Variants in VRK3 observed in about 807,000 individuals in gnomAD.
The protein encoded by VRK3 is VRK serine/threonine kinase 3.
A neutral mutation model predicts 60.4 loss-of-function variants in VRK3; 50 were observed. The observed-to-expected ratio is 0.83, with a 90% confidence interval of 0.66 to 1.05. The LOEUF is 1.05. Ranked by LOEUF, VRK3 falls within the 50% of genes least tolerant of loss-of-function variation. The probability of loss-of-function intolerance (pLI) is 0.00; values close to 1 mark genes in which losing one functional copy is unlikely to be tolerated. For synonymous variants in VRK3, 246 were observed against 227.8 expected (o/e 1.08, Z -0.72); for missense variants, 549 against 585.3 (o/e 0.94, Z 0.64).
intron 9 of VRK3, among the ~76,000 whole-genome samples, chr19:49,993,357 C>G (rs111902838): frequency 0.049 from 7,454 of 152,268 alleles, 223 homozygotes; most frequent in Middle Eastern, 0.11. Context: ...TGATCTCCAG[C>G]TCCAGCTGTC....
chr19:49,978,875 T>C (rs1234550481), intron 14 of VRK3: 10 of 466,094 alleles, frequency 2.1e-5, no homozygotes, highest in Non-Finnish European at 3.7e-5. Context: ...CCACTTTTCT[T>C]AAAGCCAAGT....
intron 10 of VRK3, among the ~76,000 whole-genome samples, chr19:49,990,249 TATG>T (rs1329418799): frequency 6.6e-6 from 1 of 152,230 alleles, no homozygotes; most frequent in Non-Finnish European, 1.5e-5. Context: ...TTCTCTCTGC[TATG>T]ATTTCTCCAT....
Position 50,007,779 on chromosome 19 carries a change from T to C in VRK3, c.337A>G (p.Arg113Gly), listed in dbSNP as rs776284468. The C allele has an allele frequency of 6.2e-7, 1 of 1,614,160 alleles. No individual in the cohort carries two copies. Among genetic ancestry groups the C allele is most frequent in the South Asian group, 1.1e-5 (1 of 91,048 alleles). ...PTPKSSPQKT[R>G]KSPQVTRGSP... ...CCCCTGGTCACCTGAGGGCTCTTCCTGGTCTTCTGAGGGCTGCTTTTGGGG... is the reference window on the plus strand; with the variant it reads ...CCCCTGGTCACCTGAGGGCTCTTCCCGGTCTTCTGAGGGCTGCTTTTGGGG... The change falls in exon 5 of 15, where the codon AGG becomes GGG. Residue 113 changes from arginine to glycine, a missense_variant. Physicochemically the swap from Arg to Gly is moderately radical, Grantham distance 125 (BLOSUM62 -2). Coordinates refer to ENST00000316763, the MANE Select transcript of VRK3 (RefSeq NM_016440.4).
intron 13 of VRK3, among the ~76,000 whole-genome samples, 200 bp downstream of exon 13, chr19:49,980,755 A>C (rs556400786): frequency 7.3e-5 from 11 of 150,750 alleles, no homozygotes; most frequent in African/African-American, 2.7e-4. Flanking sequence ...TTCAAAAAAA[A>C]GTTGTGTTTT....
intron 12 of VRK3, chr19:49,986,231 T>C (rs1043398180): frequency 1.3e-5 from 2 of 152,360 alleles, no homozygotes; most frequent in Admixed American, 6.5e-5. Flanking sequence ...TCAGAAGTAG[T>C]GAACTAGGTG....
chr19:50,013,546 A>C (rs1292858883), intron 3 of VRK3, among the ~76,000 whole-genome samples: 1 of 152,230 alleles, frequency 6.6e-6, no homozygotes, highest in Non-Finnish European at 1.5e-5. Context: ...ACTCCCCGCC[A>C]TGTATGCTGA....
intron 3 of VRK3, among the ~76,000 whole-genome samples, chr19:50,015,247 A>G (rs894372052): frequency 6.6e-6 from 1 of 152,162 alleles, no homozygotes; most frequent in Non-Finnish European, 1.5e-5. Flanking sequence ...AAATGCTCCA[A>G]AATCTGAAAC....
rs775160806 is a variant in VRK3 at position 50,009,217 on chromosome 19, G to C, written c.289+19C>G. 6.2e-7 allele frequency: 1 copy of C among 1,611,948 alleles called. No homozygotes were observed. The highest frequency in any genetic ancestry group is 2.2e-5 in the East Asian group (1 of 44,818). On this transcript the variant is annotated intron_variant, in intron 4 of 14. Coordinates refer to ENST00000316763, the MANE Select transcript of VRK3 (RefSeq NM_016440.4). ...TTTGCTCCACTTAAGAGTCAGGCCA[G>C]ATAGACCTTAACTCTTACCTTTGGA...
At chr19:50,006,058 G>A (rs973764627) in intron 5 of VRK3, among the ~76,000 whole-genome samples, 1 of 148,336 alleles carries the variant, frequency 6.7e-6, no homozygotes. Flanking sequence ...GGCTGAGGTA[G>A]GTGGATCACT....
At chr19:50,015,692 T>C (rs58551501) in intron 3 of VRK3, 9,162 of 265,542 alleles carry the variant, frequency 0.035, 796 homozygotes, top group African/African-American at 0.18. Context: ...AAAATCAGAA[T>C]ACTTCCAGTC....
rs568877003 is a variant in VRK3 at position 50,019,674 on chromosome 19, C to CTTTTTTTTTTT, written c.-2+900_-2+910dup. 6.4e-4 allele frequency among the ~76,000 whole-genome samples: 29 copies of CTTTTTTTTTTT among 45,014 alleles called. 3 individuals carry two copies. The highest frequency in any genetic ancestry group is 8.6e-4 in the Non-Finnish European group (19 of 22,004). 29.5% of individuals were successfully genotyped at this position (45,014 alleles called of 152,430 possible). Reference sequence around the variant, plus strand: ...ACAGGCATGTGCCACCATGCCTGGCCTTTTTTTTTTTTTTTTTTTTTTTTT... The same window carrying CTTTTTTTTTTT: ...ACAGGCATGTGCCACCATGCCTGGCCTTTTTTTTTTTTTTTTTTTTTTTTTTTTTTTTTTTT... On this transcript the variant is annotated intron_variant, in intron 2 of 14. Coordinates refer to ENST00000316763, the MANE Select transcript of VRK3 (RefSeq NM_016440.4).
intron 1 of VRK3, among the ~76,000 whole-genome samples, chr19:50,023,503 C>A (rs2077203981): frequency 6.6e-6 from 1 of 152,172 alleles, no homozygotes; most frequent in Non-Finnish European, 1.5e-5. Context: ...TTACTAATAG[C>A]ATGTTTTATC....
At chr19:49,997,672 C>T in intron 6 of VRK3, 102 bp from the exon 7 acceptor site, 1 of 1,321,770 alleles carries the variant, frequency 7.6e-7, no homozygotes, top group Non-Finnish European at 1.1e-6. Flanking sequence ...GACCAGGCTC[C>T]TCATCAAGTC....
chr19:50,004,409 G>A (rs1400023758), intron 5 of VRK3, among the ~76,000 whole-genome samples: 1 of 151,648 alleles, frequency 6.6e-6, no homozygotes, highest in Non-Finnish European at 1.5e-5. Context: ...ATCCCTTCTC[G>A]CTCTTTCTCC....
chr19:49,989,794 T>C (rs771637874), intron 10 of VRK3, 23 bp from the exon 11 acceptor site: 7 of 1,596,684 alleles, frequency 4.4e-6, no homozygotes, highest in Non-Finnish European at 6.0e-6. Flanking sequence ...GGAAAAGCCA[T>C]ACAGATTGGA....
chr19:50,012,839 C>A (rs1450576831), intron 3 of VRK3, among the ~76,000 whole-genome samples: 1 of 152,040 alleles, frequency 6.6e-6, no homozygotes, highest in Non-Finnish European at 1.5e-5. Context: ...CGTGCCACTG[C>A]ACTCTAGCCT....
intron 10 of VRK3, among the ~76,000 whole-genome samples, chr19:49,990,125 G>A (rs535686067): frequency 1.7e-4 from 26 of 152,104 alleles, no homozygotes; most frequent in South Asian, 6.2e-4. Context: ...GTTGGGCACC[G>A]GCACTTTACA....
chr19:50,025,022 C>G (rs1467529326), intron 1 of VRK3: 1 of 152,244 alleles, frequency 6.6e-6, no homozygotes, highest in African/African-American at 2.4e-5. Context: ...AGCGGAGGAG[C>G]TGTCGAACTT....
intron 5 of VRK3, among the ~76,000 whole-genome samples, 176 bp downstream of exon 5, chr19:50,007,393 T>C (rs1568803839): frequency 6.6e-6 from 1 of 152,116 alleles, no homozygotes; most frequent in Non-Finnish European, 1.5e-5. Flanking sequence ...TCATTCCCAC[T>C]ATTGCCCGGC....
Sources: allele counts gnomAD v4.1 joint callset (sites outside exome capture counted in the v4.1 genomes callset), GRCh38; gene constraint gnomAD v4.1.1; transcripts MANE v1.5; gene names NCBI Gene and HGNC (gene_info 2026-07-23, HGNC 2026-07-21).